The following NPTXR variants were observed in gnomAD, a reference collection of about 807,000 sequenced individuals.
NPTXR encodes neuronal pentraxin receptor.
A neutral mutation model predicts 32.2 loss-of-function variants in NPTXR; 12 were observed. The ratio of observed to expected loss-of-function variants is 0.37; its 90% CI spans 0.24 to 0.60. The LOEUF is 0.60. Ranked by LOEUF, NPTXR falls within the 20% of genes least tolerant of loss-of-function variation. The pLI, the probability that NPTXR is intolerant of heterozygous loss-of-function variation, is 0.66. For synonymous variants in NPTXR, 323 were observed against 315.8 expected (o/e 1.02, Z -0.24); for missense variants, 612 against 682.9 (o/e 0.90, Z 1.16).
In NPTXR at chr22:38,842,965, T is replaced by C. The variant is rs543635054; in HGVS notation, c.624+270A>G. Among the ~76,000 whole-genome samples, 542 of 152,348 alleles carry C rather than the reference T, an allele frequency of 3.6e-3. 6 individuals are homozygous for C. The highest frequency in any genetic ancestry group is 0.013 in the African/African-American group (523 of 41,584). ...CAAGTGGACACTGTTATACCTATTT[T>C]ACAGACACAGAAACTGAGGCTCAGA... On this transcript the variant is annotated intron_variant, in intron 1 of 4. Coordinates refer to ENST00000333039, the MANE Select transcript of NPTXR (RefSeq NM_014293.4).
chr22:38,843,764 G>A lies in NPTXR; in HGVS notation c.95C>T (p.Pro32Leu). Reference sequence around the variant, plus strand: ...GGCGCCGCCGGGCAGCGCCCGCGCCGGGCTGGCCGCCAGGGGCACGCTGGC... The same window carrying A: ...GGCGCCGCCGGGCAGCGCCCGCGCCAGGCTGGCCGCCAGGGGCACGCTGGC... Residue 32 changes from proline (P) to leucine (L), a missense_variant, in exon 1 of 5, where the codon CCG (proline) becomes CTG (leucine). Physicochemically the swap from Pro to Leu is moderately conservative, Grantham distance 98. Coordinates refer to ENST00000333039, the MANE Select transcript of NPTXR (RefSeq NM_014293.4). The surrounding 1 kb of genome is among the most constrained non-coding windows in gnomAD (Gnocchi z 5.3). The A allele has an allele frequency of 1.0e-6, 1 of 1,002,564 alleles. No homozygotes were observed. Among genetic ancestry groups the A allele is most frequent in the Non-Finnish European group, 1.2e-6 (1 of 842,872 alleles). 62.1% of individuals were successfully genotyped at this position (1,002,564 alleles called of 1,614,324 possible).
Position 38,818,526 on chromosome 22 carries a change from T to TCA in NPTXR, c.*4081_*4082dup, listed in dbSNP as rs530880390. The TCA allele has an allele frequency of 2.6e-5, 4 of 152,284 alleles. No homozygotes were observed. The highest frequency in any genetic ancestry group is 4.4e-5 in the Non-Finnish European group (3 of 68,016). The allele number at this position is 152,284 out of a possible 1,614,324, so 9.4% of individuals were successfully genotyped here. ...AAAGGTAACAAAACCATGACACAGA[T>TCA]CACACACACATACACACACACACAC... On this transcript the variant is annotated 3_prime_UTR_variant, in exon 5 of 5. Coordinates refer to ENST00000333039, the MANE Select transcript of NPTXR (RefSeq NM_014293.4). The surrounding 1 kb of genome is among the most constrained non-coding windows in gnomAD (Gnocchi z 4.5).
chr22:38,819,991 G>C lies in NPTXR; in HGVS notation c.*2618C>G, dbSNP rs1039497600. Reference sequence around the variant, plus strand: ...GACTTGGGGTTGAGCGTGTGTGTGGGCTCAAGTGACCATGCAAGTGCTGTC... The same window carrying C: ...GACTTGGGGTTGAGCGTGTGTGTGGCCTCAAGTGACCATGCAAGTGCTGTC... On this transcript the variant is annotated 3_prime_UTR_variant, in exon 5 of 5. Transcript: ENST00000333039. 6.6e-6 allele frequency: 1 copy of C among 152,616 alleles called. No homozygotes were observed. The highest frequency in any genetic ancestry group is 1.5e-5 in the Non-Finnish European group (1 of 68,038). The allele number at this position is 152,616 out of a possible 1,614,324, so 9.5% of individuals were successfully genotyped here.
At chr22:38,825,826 C>T (rs1007529217) in intron 3 of NPTXR, among the ~76,000 whole-genome samples, 2 of 148,500 alleles carry the variant, frequency 1.3e-5, no homozygotes, top group African/African-American at 5.1e-5. Context: ...TGTGCACCTC[C>T]CTTCTCTCTC....
At chr22:38,824,726 T>C (rs1717388113) in intron 3 of NPTXR, among the ~76,000 whole-genome samples, 1 of 152,116 alleles carries the variant, frequency 6.6e-6, no homozygotes, top group African/African-American at 2.4e-5. Flanking sequence ...GAGAACTGAG[T>C]GCTGAACTTG....
intron 1 of NPTXR, among the ~76,000 whole-genome samples, chr22:38,829,121 T>C (rs182677232): frequency 6.6e-5 from 10 of 152,344 alleles, no homozygotes; most frequent in Non-Finnish European, 1.0e-4. Flanking sequence ...CAATCTGCTA[T>C]GTGACTCTGA....
intron 1 of NPTXR, among the ~76,000 whole-genome samples, chr22:38,835,522 C>T (rs562294709): frequency 1.3e-5 from 2 of 152,216 alleles, no homozygotes; most frequent in African/African-American, 4.8e-5. Flanking sequence ...TGGGGTTGGC[C>T]ATGTACCTCC....
Position 38,828,474 on chromosome 22 carries a change from T to C in NPTXR, c.663A>G (p.Pro221=), listed in dbSNP as rs777090355. The C allele has an allele frequency of 6.2e-7, 1 of 1,602,350 alleles. No homozygotes were observed. The highest frequency in any genetic ancestry group is 8.5e-7 in the Non-Finnish European group (1 of 1,175,330). ...CGGTGGGCACAGCAGAGACTGGGGC[T>C]GGGGCAGCTGAGAGGTTCACACGGG... The change falls in exon 2 of 5, where the codon CCA becomes CCG. Residue 221 remains proline, a synonymous_variant. Transcript: ENST00000333039.
Position 38,826,557 on chromosome 22 carries a change from G to A in NPTXR, c.1041C>T (p.Asn347=), listed in dbSNP as rs759385529. The A allele has an allele frequency of 8.7e-6, 14 of 1,614,170 alleles. No individual in the cohort carries two copies. The highest frequency in any genetic ancestry group is 2.2e-5 in the East Asian group (1 of 44,892). Residue 347 remains asparagine, a synonymous_variant, in exon 3 of 5, where the codon AAC becomes AAT. Coordinates refer to ENST00000333039, the MANE Select transcript of NPTXR (RefSeq NM_014293.4). ...GGCCCGCCTCTAGCAGTACAATCTC[G>A]TTGGCCTGCCCGGGCACTGAGTAGG...
At chr22:38,841,915 G>A (rs765721852) in intron 1 of NPTXR, among the ~76,000 whole-genome samples, 1 of 152,158 alleles carries the variant, frequency 6.6e-6, no homozygotes, top group Non-Finnish European at 1.5e-5. Flanking sequence ...GGTGGGTATG[G>A]GCCCGGCTTT....
chr22:38,826,397 AGAGCAGGAGAAT>A (rs1173902806), intron 3 of NPTXR, 91 bp downstream of exon 3: 19 of 1,352,906 alleles, frequency 1.4e-5, no homozygotes, highest in South Asian at 9.6e-5. Flanking sequence ...CTGAATATGC[AGAGCAGGAGAAT>A]GAGCAGGAGA....
At chr22:38,837,991 G>A (rs2093126585) in intron 1 of NPTXR, among the ~76,000 whole-genome samples, 1 of 152,012 alleles carries the variant, frequency 6.6e-6, no homozygotes, top group Non-Finnish European at 1.5e-5. Flanking sequence ...AAGCAGCTGG[G>A]ACCACAGGCA....
In NPTXR at chr22:38,834,734, G is replaced by A. The variant is rs977385886; in HGVS notation, c.625-6222C>T. On this transcript the variant is annotated intron_variant, in intron 1 of 4. Coordinates refer to ENST00000333039, the MANE Select transcript of NPTXR (RefSeq NM_014293.4). The surrounding 1 kb of genome is among the most constrained non-coding windows in gnomAD (Gnocchi z 4.4). ...TCAGTTCCTTGCTTACTAGATCTGC[G>A]ACCTTGGGCAAGCTGCTTAACTCCT... Among the ~76,000 whole-genome samples the A allele has an allele frequency of 5.3e-5, 8 of 152,004 alleles. No individual in the cohort carries two copies. The highest frequency in any genetic ancestry group is 1.2e-4 in the African/African-American group (5 of 41,360).
Position 38,843,424 on chromosome 22 carries a change from G to C in NPTXR, c.435C>G (p.Arg145=). 7.2e-7 allele frequency: 1 copy of C among 1,391,486 alleles called. No homozygotes were observed. The highest frequency in any genetic ancestry group is 3.0e-5 in the East Asian group (1 of 33,630). The allele number at this position is 1,391,486 out of a possible 1,614,324, so 86.2% of individuals were successfully genotyped here. ...GCTCACGGATGGTGTCCTGGTCGGC[G>C]CGGATGCGCGCCTCCTGCTGCAGCG... Residue 145 remains arginine, a synonymous_variant, in exon 1 of 5, where the codon CGC becomes CGG. Coordinates refer to ENST00000333039, the MANE Select transcript of NPTXR (RefSeq NM_014293.4). This position sits in a 1 kb window ranked among gnomAD's most constrained non-coding sequence, Gnocchi z 5.3.
chr22:38,837,064 T>A (rs1436594553), intron 1 of NPTXR, among the ~76,000 whole-genome samples: 1 of 152,190 alleles, frequency 6.6e-6, no homozygotes, highest in Non-Finnish European at 1.5e-5. Context: ...TACGCCCACC[T>A]CAGCTTCCCA....
intron 1 of NPTXR, among the ~76,000 whole-genome samples, chr22:38,830,808 G>A (rs1394781974): frequency 2.0e-5 from 3 of 152,170 alleles, no homozygotes; most frequent in African/African-American, 4.8e-5. Context: ...ACAAGTCACT[G>A]TGGTCGTCCA....
intron 1 of NPTXR, among the ~76,000 whole-genome samples, chr22:38,838,795 A>T (rs536499210): frequency 6.6e-6 from 1 of 151,754 alleles, no homozygotes; most frequent in Non-Finnish European, 1.5e-5. Context: ...GTTAGCCAGG[A>T]TGGTCTCGAT....
At chr22:38,838,371 A>C (rs1466254661) in intron 1 of NPTXR, among the ~76,000 whole-genome samples, 1 of 151,956 alleles carries the variant, frequency 6.6e-6, no homozygotes, top group Non-Finnish European at 1.5e-5. Context: ...GAATAAGCTA[A>C]TATGTATCTA....
In NPTXR at chr22:38,822,487, A is replaced by G; in HGVS notation, c.*122T>C. On this transcript the variant is annotated 3_prime_UTR_variant, in exon 5 of 5. Transcript: ENST00000333039. ...GTGGGTACAGGTGAGGGGAAATGGG[A>G]GGCACAGCCAGGAGTGGGGCAGGAG... The G allele has an allele frequency of 1.2e-6, 1 of 802,714 alleles. No homozygotes were observed. Among genetic ancestry groups the G allele is most frequent in the Non-Finnish European group, 2.0e-6 (1 of 489,178 alleles). The allele number at this position is 802,714 out of a possible 1,614,324, so 49.7% of individuals were successfully genotyped here.
Sources: gnomAD v4.1 joint callset for allele counts (sites outside exome capture counted in the v4.1 genomes callset) on GRCh38, gnomAD v4.1.1 for gene constraint, Gnocchi (gnomAD v3.1) non-coding constraint, MANE v1.5 for transcripts, NCBI Gene and HGNC (gene_info 2026-07-23, HGNC 2026-07-21) for gene names.